GREM2: variants seen among roughly 807,000 people sequenced by gnomAD.
GREM2 encodes gremlin 2, DAN family BMP antagonist, also known as gremlin-2.
A neutral mutation model predicts 14.2 loss-of-function variants in GREM2; 11 were observed. The ratio of observed to expected loss-of-function variants is 0.78; its 90% CI spans 0.49 to 1.28. The LOEUF (loss-of-function observed/expected upper bound fraction) is 1.28. Ranked by LOEUF, GREM2 falls within the 50% of genes most tolerant of loss-of-function variation. The probability of loss-of-function intolerance (pLI) is 0.00; values close to 1 mark genes in which losing one functional copy is unlikely to be tolerated. For synonymous variants in GREM2, 98 were observed against 97.6 expected (o/e 1.00, Z -0.02); for missense variants, 210 against 218.5 (o/e 0.96, Z 0.24).
At chr1:240,549,792 C>G (rs934941720) in intron 1 of GREM2, 2 of 152,298 alleles carry the variant, frequency 1.3e-5, no homozygotes, top group African/African-American at 4.8e-5. Flanking sequence ...GTATGAAAAG[C>G]AGTGTGGCCA....
intron 1 of GREM2, among the ~76,000 whole-genome samples, chr1:240,539,996 G>A (rs934043658): frequency 1.3e-5 from 2 of 152,080 alleles, no homozygotes; most frequent in African/African-American, 2.4e-5. Flanking sequence ...TGAGGGCTGC[G>A]GTAACTCAGA....
chr1:240,534,939 G>A (rs1240363576), intron 1 of GREM2, among the ~76,000 whole-genome samples: 2 of 152,080 alleles, frequency 1.3e-5, no homozygotes, highest in Non-Finnish European at 2.9e-5. Flanking sequence ...AAGAAACACA[G>A]CAGGACGAGT....
chr1:240,558,971 G>A (rs1223232390), intron 1 of GREM2, among the ~76,000 whole-genome samples: 1 of 152,022 alleles, frequency 6.6e-6, no homozygotes, highest in Non-Finnish European at 1.5e-5. Context: ...TATTTAACCT[G>A]TTGTGTTGTT....
At chr1:240,602,848 C>T (rs747769055) in intron 1 of GREM2, among the ~76,000 whole-genome samples, 15 of 143,386 alleles carry the variant, frequency 1.0e-4, no homozygotes, top group East Asian at 2.2e-4. Flanking sequence ...CCGAGGCAGG[C>T]GGATCACGAG....
chr1:240,501,852 A>G (rs1047121373), intron 1 of GREM2, among the ~76,000 whole-genome samples: 13 of 152,194 alleles, frequency 8.5e-5, no homozygotes, highest in Non-Finnish European at 1.9e-4. Context: ...ATCAAAACCC[A>G]AGAACCCTCC....
At chr1:240,586,941 T>C (rs1679611597) in intron 1 of GREM2, among the ~76,000 whole-genome samples, 1 of 152,214 alleles carries the variant, frequency 6.6e-6, no homozygotes. Flanking sequence ...AAGAACTTAA[T>C]ATACGTGTCA....
chr1:240,580,578 A>ATCCTTCCT (rs1679464893), intron 1 of GREM2, among the ~76,000 whole-genome samples: 1 of 152,146 alleles, frequency 6.6e-6, no homozygotes, highest in Admixed American at 6.6e-5. Context: ...TATCCAATAT[A>ATCCTTCCT]TCCTTCCTTC....
At chr1:240,553,207 G>C (rs554222943) in intron 1 of GREM2, among the ~76,000 whole-genome samples, 4 of 152,148 alleles carry the variant, frequency 2.6e-5, no homozygotes, top group African/African-American at 9.7e-5. Flanking sequence ...GGGTTTTATC[G>C]AGAGCGTTAG....
At chr1:240,511,785 C>T (rs971105022) in intron 1 of GREM2, among the ~76,000 whole-genome samples, 1 of 152,016 alleles carries the variant, frequency 6.6e-6, no homozygotes, top group Non-Finnish European at 1.5e-5. Flanking sequence ...CTTGAGCGTC[C>T]GTGGATTTCA....
At chr1:240,573,563 C>T (rs1679299680) in intron 1 of GREM2, among the ~76,000 whole-genome samples, 1 of 152,172 alleles carries the variant, frequency 6.6e-6, no homozygotes, top group Admixed American at 6.5e-5. Context: ...AAGTCCTACG[C>T]CAGAGGCGCT....
At chr1:240,501,607 TGAG>T (rs1677569897) in intron 1 of GREM2, among the ~76,000 whole-genome samples, 1 of 152,122 alleles carries the variant, frequency 6.6e-6, no homozygotes, top group African/African-American at 2.4e-5. Flanking sequence ...AGGAGATGAA[TGAG>T]GAAGCGCTTG....
At chr1:240,522,345 C>T (rs1678120865) in intron 1 of GREM2, among the ~76,000 whole-genome samples, 1 of 152,108 alleles carries the variant, frequency 6.6e-6, no homozygotes, top group South Asian at 2.1e-4. Flanking sequence ...GCTTCTGGCA[C>T]ATTCAAGTCC....
intron 1 of GREM2, among the ~76,000 whole-genome samples, chr1:240,559,040 C>G (rs1180540845): frequency 6.6e-6 from 1 of 152,040 alleles, no homozygotes; most frequent in Non-Finnish European, 1.5e-5. Flanking sequence ...ATGATTGTCC[C>G]TTTCTACGTA....
chr1:240,577,707 G>C (rs1679399655), intron 1 of GREM2, among the ~76,000 whole-genome samples: 1 of 152,194 alleles, frequency 6.6e-6, no homozygotes, highest in African/African-American at 2.4e-5. Flanking sequence ...ATTCACAAAT[G>C]AGTAAATTGC....
intron 1 of GREM2, among the ~76,000 whole-genome samples, chr1:240,496,704 G>C (rs1205385114): frequency 1.3e-5 from 2 of 152,178 alleles, no homozygotes; most frequent in African/African-American, 4.8e-5. Context: ...CTGGTGTACA[G>C]TAGGCACTCA....
At chr1:240,581,021 G>A (rs60489559) in intron 1 of GREM2, among the ~76,000 whole-genome samples, 3,734 of 152,138 alleles carry the variant, frequency 0.025, 115 homozygotes, top group African/African-American at 0.067. Context: ...AGGCTGAGGC[G>A]GGTAGATCAC....
At chr1:240,557,065 G>A (rs1412918230) in intron 1 of GREM2, among the ~76,000 whole-genome samples, 1 of 151,922 alleles carries the variant, frequency 6.6e-6, no homozygotes, top group Non-Finnish European at 1.5e-5. Flanking sequence ...AGCTACTCAG[G>A]AGGCTGAGGT....
chr1:240,596,090 C>G (rs991872194), intron 1 of GREM2, among the ~76,000 whole-genome samples: 1 of 152,112 alleles, frequency 6.6e-6, no homozygotes, highest in African/African-American at 2.4e-5. Context: ...AATAAGTGTT[C>G]TGCTATTGTG....
rs139869675 is a variant in GREM2, at chr1:240,496,672, T to A, written c.-1-3196A>T. ...CCTGCCTGTTTTGTTCATTGCCATG[T>A]CTCCTGCTCTCAGAACAGTGCCTGG... On this transcript the variant is annotated intron_variant, in intron 1 of 1. Coordinates refer to ENST00000318160, the MANE Select transcript of GREM2 (RefSeq NM_022469.4). Among the ~76,000 whole-genome samples, 333 of 152,280 alleles carry A rather than the reference T, an allele frequency of 2.2e-3. 1 individual carries two copies. Among genetic ancestry groups the A allele is most frequent in the African/African-American group, 7.4e-3 (307 of 41,544 alleles).
Sources: allele counts gnomAD v4.1 joint callset (sites outside exome capture counted in the v4.1 genomes callset), GRCh38; gene constraint gnomAD v4.1.1; transcripts MANE v1.5; gene names NCBI Gene and HGNC (gene_info 2026-07-23, HGNC 2026-07-21).